Variants in SUSD4 observed in about 807,000 individuals in gnomAD.
SUSD4 encodes sushi domain containing 4, also known as sushi domain-containing protein 4.
In SUSD4, 41 loss-of-function variants were observed where a neutral mutation model predicts 50.5. The observed-to-expected ratio is 0.81, with a 90% CI of 0.63 to 1.05. SUSD4 has a LOEUF of 1.05. SUSD4 is among the 50% of genes least tolerant of loss of function. The probability of loss-of-function intolerance (pLI) is 0.00; values close to 1 mark genes in which losing one functional copy is unlikely to be tolerated. For missense variants in SUSD4, 580 were observed against 634.7 expected (o/e 0.91, Z 0.93); for synonymous variants, 257 against 257.3 (o/e 1.00, Z 0.01).
At chr1:223,335,833 C>G (rs541339406) in intron 2 of SUSD4, among the ~76,000 whole-genome samples, 1 of 152,142 alleles carries the variant, frequency 6.6e-6, no homozygotes, top group African/African-American at 2.4e-5. Context: ...AGAATGTCTA[C>G]AGGGAAAAAG....
At chr1:223,325,285 CCCATGAG>C (rs1666807722) in intron 2 of SUSD4, among the ~76,000 whole-genome samples, 1 of 151,954 alleles carries the variant, frequency 6.6e-6, no homozygotes, top group African/African-American at 2.4e-5. Context: ...TCATTTTTTC[CCCATGAG>C]CCATGAGAAG....
chr1:223,333,556 T>C (rs1323714034), intron 2 of SUSD4, among the ~76,000 whole-genome samples: 1 of 151,794 alleles, frequency 6.6e-6, no homozygotes, highest in Non-Finnish European at 1.5e-5. Context: ...ACACAAAAAG[T>C]AGGAGAAGTG....
chr1:223,290,885 T>C (rs1410292179), intron 3 of SUSD4, among the ~76,000 whole-genome samples: 1 of 152,154 alleles, frequency 6.6e-6, no homozygotes, highest in Admixed American at 6.5e-5. Flanking sequence ...CTGATGTTCC[T>C]AAGCCTGACT....
At chr1:223,260,307 C>T (rs776231120) in intron 5 of SUSD4, among the ~76,000 whole-genome samples, 4 of 152,248 alleles carry the variant, frequency 2.6e-5, no homozygotes, top group Non-Finnish European at 4.4e-5. Context: ...GTGCCCAATT[C>T]GGTGTTGCTC....
chr1:223,277,393 C>A (rs892943788), intron 3 of SUSD4, among the ~76,000 whole-genome samples: 11 of 152,032 alleles, frequency 7.2e-5, no homozygotes, highest in Admixed American at 6.6e-4. Flanking sequence ...GCAGGAACAG[C>A]TCCTCCTCCT....
rs74360933 is a variant in SUSD4 at position 223,332,943 on chromosome 1, C to T, written c.148+30335G>A. Among the ~76,000 whole-genome samples, 111 of 152,248 alleles carry T rather than the reference C, an allele frequency of 7.3e-4. No homozygotes were observed. The East Asian group carries it at 0.021, about 29-fold the overall frequency. ...ATGGCCACCTGCTCCTGATACTCTG[C>T]GTGGAAGCTGCCGCAACTGCACACC... On this transcript the variant is annotated intron_variant, in intron 2 of 8. Coordinates refer to ENST00000366878, the MANE Select transcript of SUSD4 (RefSeq NM_017982.4). This position sits in a 1 kb window ranked among gnomAD's most constrained non-coding sequence, Gnocchi z 4.0.
intron 2 of SUSD4, among the ~76,000 whole-genome samples, chr1:223,344,775 G>A (rs528750782): frequency 1.3e-5 from 2 of 152,132 alleles, no homozygotes; most frequent in African/African-American, 2.4e-5. Flanking sequence ...CAAGCAGGCC[G>A]CCCTAACATG....
rs766685057 is a variant in SUSD4, at chr1:223,223,383, G to A, written c.1310C>T (p.Ser437Phe). Reference protein sequence around the residue: ...SETCDSVSGSSELLQSLYSPP... With the variant: ...SETCDSVSGSFELLQSLYSPP... ...TGAATACAGACTTTGGAGCAGCTCA[G>A]AAGAGCCTGAGACGCTGTCACAGGT... The change falls in exon 8 of 9, where the codon TCT becomes TTT. Residue 437 changes from serine to phenylalanine, a missense_variant. By Grantham distance (155) the Ser-to-Phe change is radical (BLOSUM62 -2). Coordinates refer to ENST00000366878, the MANE Select transcript of SUSD4 (RefSeq NM_017982.4). 94 of 1,613,796 alleles carry A rather than the reference G, an allele frequency of 5.8e-5. 1 individual carries two copies. In the East Asian group the frequency reaches 2.1e-3, roughly 36 times the overall value.
chr1:223,311,151 A>T (rs557038168), intron 2 of SUSD4, among the ~76,000 whole-genome samples: 7 of 152,252 alleles, frequency 4.6e-5, no homozygotes, highest in Non-Finnish European at 8.8e-5. Context: ...ACACAGATGG[A>T]TGCCGAGGAA....
At chr1:223,334,226 T>C (rs1421071015) in intron 2 of SUSD4, among the ~76,000 whole-genome samples, 1 of 149,042 alleles carries the variant, frequency 6.7e-6, no homozygotes, top group African/African-American at 2.5e-5. Context: ...AGAGGAAGAG[T>C]TCCTTATCAT....
intron 2 of SUSD4, among the ~76,000 whole-genome samples, chr1:223,303,070 C>T (rs2103185407): frequency 1.3e-5 from 2 of 152,214 alleles, no homozygotes; most frequent in South Asian, 2.1e-4. Flanking sequence ...ATCACTTGAG[C>T]CCAGGAGTTC....
At position 223,328,888 on chromosome 1, in the gene SUSD4, C is replaced by A. The variant is rs375250898; in HGVS notation, c.148+34390G>T. Among the ~76,000 whole-genome samples the A allele has an allele frequency of 2.4e-4, 37 of 152,296 alleles. No homozygotes were observed. In the East Asian group the frequency reaches 2.7e-3, roughly 11 times the overall value. On this transcript the variant is annotated intron_variant, in intron 2 of 8. Coordinates refer to ENST00000366878, the MANE Select transcript of SUSD4 (RefSeq NM_017982.4). Reference sequence around the variant, plus strand: ...CTGTATTGTCCCTACCATGACTCCACAAACTTTAATTTTGGCCTGGAGTTT... The same window carrying A: ...CTGTATTGTCCCTACCATGACTCCAAAAACTTTAATTTTGGCCTGGAGTTT...
In SUSD4 at chr1:223,269,644, G is replaced by A. The variant is rs149270658; in HGVS notation, c.362-969C>T. On this transcript the variant is annotated intron_variant, in intron 3 of 8. Coordinates refer to ENST00000366878, the MANE Select transcript of SUSD4 (RefSeq NM_017982.4). Reference sequence around the variant, plus strand: ...AATGTTTCTGGTTTTATATGCATACGTGTTTGTAAGCATGACCTACAGATG... The same window carrying A: ...AATGTTTCTGGTTTTATATGCATACATGTTTGTAAGCATGACCTACAGATG... Among the ~76,000 whole-genome samples, 14 of 152,216 alleles carry A rather than the reference G, an allele frequency of 9.2e-5. No individual in the cohort carries two copies. In the East Asian group the frequency reaches 2.5e-3, roughly 27 times the overall value.
In SUSD4 at chr1:223,279,118, G is replaced by T. The variant is rs1297264079; in HGVS notation, c.362-10443C>A. Among the ~76,000 whole-genome samples the T allele has an allele frequency of 3.9e-5, 6 of 152,110 alleles. No homozygotes were observed. The East Asian group carries it at 1.2e-3, about 29-fold the overall frequency. On this transcript the variant is annotated intron_variant, in intron 3 of 8. Transcript: ENST00000366878. ...AAAGGTAGATAAAACCACAAAGATG[G>T]GGAAAAAACAGAGCAGAAAAGCTGA...
intron 2 of SUSD4, among the ~76,000 whole-genome samples, chr1:223,357,764 T>C (rs1668747036): frequency 6.6e-6 from 1 of 152,234 alleles, no homozygotes; most frequent in Non-Finnish European, 1.5e-5. Flanking sequence ...GTTGAACAGC[T>C]CATTCTTATG....
At chr1:223,325,973 G>A (rs1227064934) in intron 2 of SUSD4, among the ~76,000 whole-genome samples, 4 of 152,066 alleles carry the variant, frequency 2.6e-5, no homozygotes, top group Non-Finnish European at 4.4e-5. Context: ...TCTATGCAAT[G>A]CCCATCAAAA....
At chr1:223,333,580 C>T (rs1433608660) in intron 2 of SUSD4, among the ~76,000 whole-genome samples, 6 of 152,128 alleles carry the variant, frequency 3.9e-5, no homozygotes, top group Admixed American at 1.3e-4. Context: ...ATGCAAAAGA[C>T]GTCTCTGCTT....
chr1:223,311,117 T>C (rs1665847478), intron 2 of SUSD4, among the ~76,000 whole-genome samples: 1 of 152,170 alleles, frequency 6.6e-6, no homozygotes, highest in Non-Finnish European at 1.5e-5. Flanking sequence ...ACTAGGCAGG[T>C]ACCATGAGAC....
intron 2 of SUSD4, among the ~76,000 whole-genome samples, chr1:223,323,148 A>G (rs1666678892): frequency 1.3e-5 from 2 of 150,678 alleles, no homozygotes; most frequent in Middle Eastern, 3.4e-3. Flanking sequence ...TCTCACAATG[A>G]CGGAGGGTGA....
Sources: gnomAD v4.1 joint callset for allele counts (sites outside exome capture counted in the v4.1 genomes callset) on GRCh38, gnomAD v4.1.1 for gene constraint, Gnocchi (gnomAD v3.1) non-coding constraint, MANE v1.5 for transcripts, NCBI Gene and HGNC (gene_info 2026-07-23, HGNC 2026-07-21) for gene names.